Variants in DISP1 observed in about 807,000 individuals in gnomAD.
DISP1 encodes the protein protein dispatched homolog 1.
Under a neutral mutation model 37.3 loss-of-function variants are expected in DISP1, and 30 were observed. The observed-to-expected ratio is 0.80, with a 90% CI of 0.60 to 1.09. The LOEUF (loss-of-function observed/expected upper bound fraction) is 1.09, where lower values mean the gene tolerates loss of function less well. Ranked by LOEUF, DISP1 falls within the 50% of genes least tolerant of loss-of-function variation. The pLI is 0.00. For missense variants in DISP1, 1,598 were observed against 1,879.5 expected (o/e 0.85, Z 2.77); for synonymous variants, 634 against 690.2 (o/e 0.92, Z 1.28).
At chr1:222,825,063 C>T (rs1663979807) in intron 1 of DISP1, among the ~76,000 whole-genome samples, 1 of 151,378 alleles carries the variant, frequency 6.6e-6, no homozygotes, top group Non-Finnish European at 1.5e-5. Context: ...AGATTGTTGC[C>T]CTAGAAGCCT....
chr1:222,818,699 C>A (rs1185011443), intron 1 of DISP1, among the ~76,000 whole-genome samples: 8 of 152,126 alleles, frequency 5.3e-5, no homozygotes, highest in African/African-American at 1.7e-4. Flanking sequence ...GCTCTTAAGG[C>A]CTTCAGCTGA....
intron 1 of DISP1, among the ~76,000 whole-genome samples, chr1:222,832,064 G>A (rs1219099130): frequency 6.6e-6 from 1 of 152,086 alleles, no homozygotes; most frequent in Non-Finnish European, 1.5e-5. Context: ...TGGATTACTT[G>A]AGGTCAGGAG....
At chr1:222,887,865 T>C (rs1033250480) in intron 1 of DISP1, among the ~76,000 whole-genome samples, 1 of 152,218 alleles carries the variant, frequency 6.6e-6, no homozygotes, top group Non-Finnish European at 1.5e-5. Flanking sequence ...AGATCTTTTG[T>C]CCTAATTTGA....
At chr1:222,953,613 T>A (rs1166590612) in intron 3 of DISP1, among the ~76,000 whole-genome samples, 1 of 152,198 alleles carries the variant, frequency 6.6e-6, no homozygotes, top group African/African-American at 2.4e-5. Context: ...AGAAGTCTGG[T>A]AAGATTTAAT....
chr1:222,946,363 G>A lies in DISP1; in HGVS notation c.509+3031G>A, dbSNP rs937297849. Among the ~76,000 whole-genome samples the A allele has an allele frequency of 4.8e-5, 6 of 125,250 alleles. No individual in the cohort carries two copies. In the East Asian group the frequency reaches 1.1e-3, roughly 24 times the overall value. The allele number at this position is 125,250 out of a possible 152,430, so 82.2% of individuals were successfully genotyped here. On this transcript the variant is annotated intron_variant, in intron 3 of 8. Transcript: ENST00000675850. ...CACGCCACTGCACTCCAGCCTGGGC[G>A]ACAAAGTGAGACTCCATCTCAAAAA...
intron 1 of DISP1, among the ~76,000 whole-genome samples, chr1:222,917,172 C>G (rs1366383324): frequency 6.6e-6 from 1 of 152,206 alleles, no homozygotes; most frequent in Non-Finnish European, 1.5e-5. Flanking sequence ...AAGCAAGGAG[C>G]TCTCTTCTTC....
intron 1 of DISP1, chr1:222,837,052 A>C: frequency 2.5e-6 from 1 of 398,576 alleles, no homozygotes; most frequent in East Asian, 3.6e-5. Context: ...ACACAAGTGC[A>C]ACTGTATTTC....
chr1:222,972,712 A>G (rs930439597), intron 3 of DISP1, among the ~76,000 whole-genome samples: 9 of 152,062 alleles, frequency 5.9e-5, no homozygotes, highest in African/African-American at 2.2e-4. Flanking sequence ...TCTTTGGACT[A>G]CTCTGGTCCA....
chr1:222,862,181 T>C (rs1245445170), intron 1 of DISP1, among the ~76,000 whole-genome samples: 3 of 152,250 alleles, frequency 2.0e-5, no homozygotes, highest in South Asian at 4.1e-4. Flanking sequence ...CTTTATTTGT[T>C]TGTAACTTTT....
intron 8 of DISP1, among the ~76,000 whole-genome samples, chr1:222,998,861 A>G (rs571492655): frequency 2.6e-5 from 4 of 152,202 alleles, no homozygotes; most frequent in South Asian, 4.1e-4. Flanking sequence ...TCCCAGAAAC[A>G]TGTTTTCCTA....
intron 2 of DISP1, among the ~76,000 whole-genome samples, chr1:222,930,885 C>G (rs1028634019): frequency 1.1e-4 from 16 of 151,936 alleles, no homozygotes; most frequent in Non-Finnish European, 2.2e-4. Flanking sequence ...TCTCAGAGTT[C>G]TCTTTAACTG....
At chr1:222,911,894 T>C (rs778878818) in intron 1 of DISP1, among the ~76,000 whole-genome samples, 8 of 152,164 alleles carry the variant, frequency 5.3e-5, no homozygotes, top group Admixed American at 6.5e-5. Context: ...GGGAGGCACA[T>C]CTCACACATC....
intron 1 of DISP1, among the ~76,000 whole-genome samples, chr1:222,891,869 C>A (rs1034755229): frequency 6.6e-6 from 1 of 151,626 alleles, no homozygotes; most frequent in Admixed American, 6.6e-5. Context: ...TAAATATAAA[C>A]AACTATCTTA....
chr1:222,941,564 C>T (rs1456360983), intron 2 of DISP1, among the ~76,000 whole-genome samples: 2 of 152,130 alleles, frequency 1.3e-5, no homozygotes, highest in Admixed American at 6.6e-5. Flanking sequence ...GGAATTTTGT[C>T]TGAAAGGTAA....
chr1:222,937,093 A>T lies in DISP1; in HGVS notation c.-17-5714A>T, dbSNP rs982495841. ...TATATTATTTAATATATTACAGTTTATATATATATATTTTGAGACGGAGTC... is the reference window on the plus strand; with the variant it reads ...TATATTATTTAATATATTACAGTTTTTATATATATATTTTGAGACGGAGTC... On this transcript the variant is annotated intron_variant, in intron 2 of 8. Coordinates refer to ENST00000675850, the MANE Select transcript of DISP1 (RefSeq NM_001377229.1). Among the ~76,000 whole-genome samples, 9 of 73,070 alleles carry T rather than the reference A, an allele frequency of 1.2e-4. 1 individual carries two copies. The highest frequency in any genetic ancestry group is 2.5e-4 in the Non-Finnish European group (9 of 35,778). The allele number at this position is 73,070 out of a possible 152,430, so 47.9% of individuals were successfully genotyped here.
chr1:222,993,172 C>T (rs1435342060), intron 7 of DISP1, among the ~76,000 whole-genome samples: 1 of 152,040 alleles, frequency 6.6e-6, no homozygotes, highest in Non-Finnish European at 1.5e-5. Flanking sequence ...GGCCAAGAAT[C>T]CAGATTTGAA....
intron 3 of DISP1, among the ~76,000 whole-genome samples, chr1:222,964,917 T>C (rs889428411): frequency 6.6e-6 from 1 of 152,140 alleles, no homozygotes; most frequent in Admixed American, 6.5e-5. Context: ...TGGAAGAAAA[T>C]GGAAACGGTG....
intron 1 of DISP1, among the ~76,000 whole-genome samples, chr1:222,842,598 C>T (rs17163521): frequency 0.01 from 1,585 of 152,054 alleles, 32 homozygotes; most frequent in African/African-American, 0.036. Flanking sequence ...AGATGGCTTG[C>T]TGGAATATGG....
chr1:222,929,943 G>A (rs1673297463), intron 2 of DISP1, among the ~76,000 whole-genome samples: 1 of 151,978 alleles, frequency 6.6e-6, no homozygotes, highest in Admixed American at 6.6e-5. Context: ...TTTTAGACTT[G>A]TGATCATGAA....
Sources: gnomAD v4.1 joint callset for allele counts (sites outside exome capture counted in the v4.1 genomes callset) on GRCh38, gnomAD v4.1.1 for gene constraint, MANE v1.5 for transcripts, NCBI Gene and HGNC (gene_info 2026-07-23, HGNC 2026-07-21) for gene names.